ATXN1: variants seen among roughly 807,000 people sequenced by gnomAD.
ATXN1 encodes ataxin 1.
A neutral mutation model predicts 56.4 loss-of-function variants in ATXN1; 8 were observed. That is an observed-to-expected ratio of 0.14 (90% CI 0.08 to 0.26). The LOEUF (loss-of-function observed/expected upper bound fraction) is 0.26. ATXN1 is among the 10% of genes least tolerant of loss of function. The pLI, the probability that ATXN1 is intolerant of heterozygous loss-of-function variation, is 1.00. For missense variants in ATXN1, 987 were observed against 1,106.5 expected, an observed-to-expected ratio of 0.89 and a Z score of 1.53; for synonymous variants, 514 against 494.6, an observed-to-expected ratio of 1.04 and a Z score of -0.52.
At chr6:16,566,654 C>T (rs1483022163) in intron 4 of ATXN1, among the ~76,000 whole-genome samples, 4 of 151,966 alleles carry the variant, frequency 2.6e-5, no homozygotes, top group Non-Finnish European at 5.9e-5. Context: ...GAGATCAAGA[C>T]CATCCTGGCG....
intron 7 of ATXN1, among the ~76,000 whole-genome samples, chr6:16,307,927 G>A (rs1054336265): frequency 1.3e-5 from 2 of 152,172 alleles, no homozygotes; most frequent in African/African-American, 2.4e-5. Flanking sequence ...GCCAAGGCGC[G>A]TGGATCACCT....
chr6:16,337,325 C>T (rs558673965), intron 6 of ATXN1, among the ~76,000 whole-genome samples: 1 of 152,356 alleles, frequency 6.6e-6, no homozygotes, highest in Admixed American at 6.5e-5. Flanking sequence ...TGGCTGGGGT[C>T]CCCCTGCGTG....
chr6:16,444,402 T>C (rs1048192336), intron 6 of ATXN1, among the ~76,000 whole-genome samples: 2 of 152,208 alleles, frequency 1.3e-5, no homozygotes, highest in African/African-American at 2.4e-5. Flanking sequence ...ACAGCCAGTA[T>C]TGGATTAAAA....
intron 5 of ATXN1, among the ~76,000 whole-genome samples, chr6:16,496,093 C>A (rs141519665): frequency 6.2e-4 from 94 of 152,272 alleles, no homozygotes; most frequent in African/African-American, 2.2e-3. Context: ...ACAACAACTC[C>A]ATACTTTAAA....
intron 3 of ATXN1, among the ~76,000 whole-genome samples, chr6:16,634,611 A>G (rs1297758305): frequency 6.6e-6 from 1 of 152,114 alleles, no homozygotes; most frequent in Non-Finnish European, 1.5e-5. Context: ...TGCAACCCCC[A>G]AACTAACTTC....
chr6:16,437,131 C>T (rs933974762), intron 6 of ATXN1, among the ~76,000 whole-genome samples: 14 of 152,118 alleles, frequency 9.2e-5, no homozygotes, highest in African/African-American at 3.4e-4. Flanking sequence ...AAAGAAAAGG[C>T]CCAGGCTGGA....
rs113440250 is a variant in ATXN1 at position 16,529,989 on chromosome 6, C to T, written c.-360-7301G>A. On this transcript the variant is annotated intron_variant, in intron 4 of 7. Coordinates refer to ENST00000436367, the MANE Select transcript of ATXN1 (RefSeq NM_001128164.2). ...ATGCTTATTGAGTCCGTGAATGTCC[C>T]CAAGTTGGAGAAGTCACCAGCATTT... 2.0e-3 allele frequency among the ~76,000 whole-genome samples: 305 copies of T among 152,142 alleles called. 1 individual carries two copies. The highest frequency in any genetic ancestry group is 6.8e-3 in the African/African-American group (281 of 41,492).
intron 7 of ATXN1, among the ~76,000 whole-genome samples, chr6:16,315,091 T>C (rs1253513347): frequency 2.0e-5 from 3 of 152,102 alleles, no homozygotes; most frequent in East Asian, 3.9e-4. Context: ...ACGGGTACAT[T>C]TGGACACCAG....
intron 2 of ATXN1, among the ~76,000 whole-genome samples, chr6:16,703,767 C>G (rs1367798768): frequency 6.6e-6 from 1 of 152,182 alleles, no homozygotes. Context: ...CGACTGTAAT[C>G]CCGGCACTTT....
chr6:16,481,100 C>T (rs1581791126), intron 6 of ATXN1, among the ~76,000 whole-genome samples: 1 of 152,212 alleles, frequency 6.6e-6, no homozygotes, highest in Non-Finnish European at 1.5e-5. Flanking sequence ...AGACTTGAAG[C>T]TATCCCCAGT....
intron 2 of ATXN1, among the ~76,000 whole-genome samples, chr6:16,702,849 G>A (rs1759316290): frequency 6.6e-6 from 1 of 152,200 alleles, no homozygotes; most frequent in Non-Finnish European, 1.5e-5. Context: ...TGGAGAGGAT[G>A]TGGAGACATA....
At chr6:16,315,819 T>C (rs1313663439) in intron 7 of ATXN1, among the ~76,000 whole-genome samples, 1 of 152,116 alleles carries the variant, frequency 6.6e-6, no homozygotes, top group Non-Finnish European at 1.5e-5. Flanking sequence ...TGCACCACCA[T>C]GTCCAGCTAA....
chr6:16,466,317 C>CAAAAAAAAAA (rs200261208), intron 6 of ATXN1, among the ~76,000 whole-genome samples: 3 of 79,862 alleles, frequency 3.8e-5, no homozygotes, highest in African/African-American at 1.5e-4. Context: ...GACCCCATCT[C>CAAAAAAAAAA]AAAAAAAAAA....
At chr6:16,597,983 A>G (rs1325521727) in intron 3 of ATXN1, among the ~76,000 whole-genome samples, 3 of 152,222 alleles carry the variant, frequency 2.0e-5, no homozygotes, top group Non-Finnish European at 4.4e-5. Context: ...TAAATTGCTA[A>G]CACAGATTTT....
At chr6:16,325,066 T>A (rs1269664766) in intron 7 of ATXN1, among the ~76,000 whole-genome samples, 1 of 151,088 alleles carries the variant, frequency 6.6e-6, no homozygotes, top group Non-Finnish European at 1.5e-5. Flanking sequence ...CAGAGCCCAC[T>A]CCCCAGCAGC....
intron 6 of ATXN1, among the ~76,000 whole-genome samples, chr6:16,347,269 G>A (rs1035533890): frequency 1.3e-5 from 2 of 152,266 alleles, no homozygotes; most frequent in African/African-American, 4.8e-5. Context: ...CCTCTGTGAA[G>A]ATCCACTAGG....
At chr6:16,660,832 G>GTTTT (rs754718969) in intron 2 of ATXN1, among the ~76,000 whole-genome samples, 1,202 of 92,992 alleles carry the variant, frequency 0.013, 25 homozygotes, top group Middle Eastern at 0.033. Flanking sequence ...TTTTGTTTTG[G>GTTTT]TTTTTTTTTT....
Position 16,348,357 on chromosome 6 carries a change from A to C in ATXN1, c.-160-19887T>G, listed in dbSNP as rs1233104354. Among the ~76,000 whole-genome samples, 3 of 152,122 alleles carry C rather than the reference A, an allele frequency of 2.0e-5. No homozygotes were observed. The South Asian group carries it at 6.2e-4, about 32-fold the overall frequency. On this transcript the variant is annotated intron_variant, in intron 6 of 7. Coordinates refer to ENST00000436367, the MANE Select transcript of ATXN1 (RefSeq NM_001128164.2). ...TAGAATTACAGATATGAGCCACAGC[A>C]CCGGGCCCATTCAACTTTCTAAGCT...
In ATXN1 at chr6:16,539,419, G is replaced by A. The variant is rs188265915; in HGVS notation, c.-360-16731C>T. Among the ~76,000 whole-genome samples the A allele has an allele frequency of 4.4e-3, 668 of 152,242 alleles. 4 individuals are homozygous for A. Among genetic ancestry groups the A allele is most frequent in the African/African-American group, 0.015 (642 of 41,528 alleles). On this transcript the variant is annotated intron_variant, in intron 4 of 7. Transcript: ENST00000436367. ...ACTGACGATATTATACACAGTCATG[G>A]CAGTGACTGTATTATACACGGTCAT... is the stretch of plus-strand genomic sequence containing the variant.
Sources: gnomAD v4.1 joint callset for allele counts (sites outside exome capture counted in the v4.1 genomes callset) on GRCh38, gnomAD v4.1.1 for gene constraint, MANE v1.5 for transcripts, NCBI Gene and HGNC (gene_info 2026-07-23, HGNC 2026-07-21) for gene names.